Variants in KCNK13 observed in about 807,000 individuals in gnomAD.
KCNK13 encodes the protein potassium two pore domain channel subfamily K member 13.
In KCNK13, 12 loss-of-function variants were observed where a neutral mutation model predicts 23.4. The ratio of observed to expected loss-of-function variants is 0.51; its 90% confidence interval spans 0.33 to 0.83. The LOEUF is 0.83. Among genes scored for constraint, KCNK13 ranks in the 40% least tolerant of loss-of-function variants. KCNK13 has a pLI of 0.02. For missense variants in KCNK13, 463 were observed against 556.3 expected, an observed-to-expected ratio of 0.83 and a Z score of 1.69; for synonymous variants, 231 against 229.5, an observed-to-expected ratio of 1.01 and a Z score of -0.06.
At chr14:90,085,669 T>A (rs190069725) in intron 1 of KCNK13, among the ~76,000 whole-genome samples, 3,036 of 141,976 alleles carry the variant, frequency 0.021, 48 homozygotes, top group African/African-American at 0.034. Context: ...CAAAAAAAAA[T>A]ATATATATAT....
chr14:90,144,088 G>T (rs1483049353), intron 1 of KCNK13, among the ~76,000 whole-genome samples: 1 of 152,110 alleles, frequency 6.6e-6, no homozygotes, highest in African/African-American at 2.4e-5. Flanking sequence ...ATTGTCATTT[G>T]CTACAAAAAT....
At chr14:90,180,744 A>G (rs1890475398) in intron 1 of KCNK13, among the ~76,000 whole-genome samples, 1 of 152,236 alleles carries the variant, frequency 6.6e-6, no homozygotes, top group Admixed American at 6.5e-5. Flanking sequence ...TGCTGGCATC[A>G]GCACTTCACT....
intron 1 of KCNK13, among the ~76,000 whole-genome samples, chr14:90,115,977 G>T (rs753806741): frequency 1.1e-4 from 17 of 152,176 alleles, no homozygotes; most frequent in African/African-American, 2.9e-4. Flanking sequence ...GCTCCAGAAG[G>T]TTCTGTGTTT....
Position 90,062,412 on chromosome 14 carries a change from C to T in KCNK13, c.207C>T (p.Asp69=). The part of the protein sequence containing the change: ...NFSRGHNLSR[D]ELRGFLRHYE... ...GCCGCGGCCACAACCTGAGCCGCGA[C>T]GAGCTGCGCGGCTTCCTCCGCCACT... is the stretch of plus-strand genomic sequence containing the variant. Residue 69 remains aspartate, a synonymous_variant, in exon 1 of 2, where the codon GAC becomes GAT. Transcript: ENST00000282146. This position sits in a 1 kb window ranked among gnomAD's most constrained non-coding sequence, Gnocchi z 4.5. 1 of 1,546,220 alleles carries T rather than the reference C, an allele frequency of 6.5e-7. No individual in the cohort carries two copies. Among genetic ancestry groups the T allele is most frequent in the Non-Finnish European group, 8.7e-7 (1 of 1,145,274 alleles).
At chr14:90,072,289 G>T (rs1040854266) in intron 1 of KCNK13, among the ~76,000 whole-genome samples, 7 of 152,208 alleles carry the variant, frequency 4.6e-5, no homozygotes, top group African/African-American at 1.4e-4. Context: ...TCAACGAATC[G>T]CCTCTCCTTG....
At chr14:90,130,334 G>A (rs568728562) in intron 1 of KCNK13, among the ~76,000 whole-genome samples, 2 of 151,676 alleles carry the variant, frequency 1.3e-5, no homozygotes, top group Non-Finnish European at 2.9e-5. Context: ...TGAGTAGCTG[G>A]GATTACAGGC....
intron 1 of KCNK13, among the ~76,000 whole-genome samples, chr14:90,170,136 C>A (rs1022096480): frequency 5.3e-5 from 8 of 151,986 alleles, no homozygotes; most frequent in African/African-American, 1.9e-4. Context: ...AGAAGTAAAT[C>A]ATCCAAGCAT....
At chr14:90,157,750 G>A (rs929703535) in intron 1 of KCNK13, among the ~76,000 whole-genome samples, 1 of 131,864 alleles carries the variant, frequency 7.6e-6, no homozygotes, top group Non-Finnish European at 1.5e-5. Context: ...CACCCAGGCT[G>A]GAGTGCGATG....
chr14:90,062,216 G>A lies in KCNK13; in HGVS notation c.11G>A (p.Arg4Gln). Residue 4 changes from arginine to glutamine, a missense_variant, in exon 1 of 2, where the codon CGG becomes CAG. This residue lies in a region of KCNK13 where 153 missense variants were observed against 153.6 expected (regional missense o/e 1.00). Transcript: ENST00000282146. The surrounding 1 kb of genome is among the most constrained non-coding windows in gnomAD (Gnocchi z 4.5). MAG[R>Q]GFSWGPGHLN... ...CCCGGGGGCCCGGCCATGGCTGGCC[G>A]GGGTTTCAGCTGGGGCCCGGGCCAC... 7.2e-7 allele frequency: 1 copy of A among 1,387,062 alleles called. No homozygotes were observed. The highest frequency in any genetic ancestry group is 2.7e-5 in the Admixed American group (1 of 37,440). 85.9% of individuals were successfully genotyped at this position (1,387,062 alleles called of 1,614,324 possible). A position where few individuals can be genotyped will look rare whatever the true frequency, so the allele number is the denominator to read the frequency against.
At chr14:90,178,438 T>A (rs1355595708) in intron 1 of KCNK13, among the ~76,000 whole-genome samples, 1 of 152,024 alleles carries the variant, frequency 6.6e-6, no homozygotes, top group Non-Finnish European at 1.5e-5. Context: ...ATTACAGGCA[T>A]GTGCCACCAC....
intron 1 of KCNK13, among the ~76,000 whole-genome samples, chr14:90,145,411 AC>A (rs1044405376): frequency 6.6e-6 from 1 of 152,150 alleles, no homozygotes; most frequent in Non-Finnish European, 1.5e-5. Context: ...TAAAAAGAAA[AC>A]AAAACCCAGA....
At chr14:90,109,558 AC>A (rs1281673763) in intron 1 of KCNK13, among the ~76,000 whole-genome samples, 1 of 151,234 alleles carries the variant, frequency 6.6e-6, no homozygotes, top group Non-Finnish European at 1.5e-5. Flanking sequence ...ACGGGTGCCC[AC>A]CACCACGCCT....
intron 1 of KCNK13, among the ~76,000 whole-genome samples, chr14:90,175,766 A>C (rs547278286): frequency 2.6e-5 from 4 of 152,294 alleles, no homozygotes; most frequent in African/African-American, 9.6e-5. Flanking sequence ...CTCAGCTGGC[A>C]GTTCTTTGGC....
At chr14:90,154,588 T>G (rs1409125435) in intron 1 of KCNK13, among the ~76,000 whole-genome samples, 1 of 152,228 alleles carries the variant, frequency 6.6e-6, no homozygotes, top group Non-Finnish European at 1.5e-5. Flanking sequence ...TGCCATTGCG[T>G]GATTGGTTAC....
chr14:90,178,041 C>T (rs752976187), intron 1 of KCNK13, among the ~76,000 whole-genome samples: 1 of 152,036 alleles, frequency 6.6e-6, no homozygotes, highest in African/African-American at 2.4e-5. Context: ...CTTTTTTCCA[C>T]TTAACATTTT....
At chr14:90,063,276 G>A (rs939157404) in intron 1 of KCNK13, among the ~76,000 whole-genome samples, 3 of 152,094 alleles carry the variant, frequency 2.0e-5, no homozygotes, top group African/African-American at 7.2e-5. Flanking sequence ...TGGAGGCGGG[G>A]GTAGGACCTT....
At chr14:90,182,469 T>C (rs1346953347) in intron 1 of KCNK13, among the ~76,000 whole-genome samples, 1 of 152,148 alleles carries the variant, frequency 6.6e-6, no homozygotes, top group African/African-American at 2.4e-5. Flanking sequence ...GGGAGGATCA[T>C]GAGAGAGCTC....
intron 1 of KCNK13, among the ~76,000 whole-genome samples, chr14:90,171,821 C>T (rs1596809811): frequency 6.6e-6 from 1 of 152,172 alleles, no homozygotes; most frequent in African/African-American, 2.4e-5. Context: ...GCAGGTTTGA[C>T]CTGAGCAGTT....
chr14:90,164,087 C>T (rs1422981750), intron 1 of KCNK13, among the ~76,000 whole-genome samples: 1 of 152,180 alleles, frequency 6.6e-6, no homozygotes, highest in African/African-American at 2.4e-5. Flanking sequence ...GTCTCTGTTC[C>T]CTTTGTGGAA....
Sources: allele counts gnomAD v4.1 joint callset (sites outside exome capture counted in the v4.1 genomes callset), GRCh38; gene constraint gnomAD v4.1.1; regional missense constraint gnomAD v4.1.1; non-coding constraint Gnocchi (gnomAD v3.1); transcripts MANE v1.5; gene names NCBI Gene and HGNC (gene_info 2026-07-23, HGNC 2026-07-21).